Variants in CNTN4 observed in about 807,000 individuals in gnomAD.
CNTN4 encodes contactin-4.
A neutral mutation model predicts 122.5 loss-of-function variants in CNTN4; 77 were observed. The observed-to-expected ratio is 0.63, with a 90% CI of 0.52 to 0.76. The LOEUF is 0.76. CNTN4 is among the 30% of genes least tolerant of loss of function. CNTN4 has a pLI of 0.00. For synonymous variants in CNTN4, 512 were observed against 447.0 expected (o/e 1.15, Z -1.83); for missense variants, 1,256 against 1,259.1 (o/e 1.00, Z 0.04).
chr3:2,201,852 A>G (rs1050540479), intron 2 of CNTN4, among the ~76,000 whole-genome samples: 1 of 152,208 alleles, frequency 6.6e-6, no homozygotes. Context: ...ACAGTGAGCC[A>G]TTTATGATAA....
At chr3:2,338,570 T>C (rs2044051753) in intron 2 of CNTN4, among the ~76,000 whole-genome samples, 1 of 151,980 alleles carries the variant, frequency 6.6e-6, no homozygotes, top group African/African-American at 2.4e-5. Flanking sequence ...CATAAATATA[T>C]ACCTTTATTC....
intron 2 of CNTN4, among the ~76,000 whole-genome samples, chr3:2,301,477 T>TA: frequency 6.6e-6 from 1 of 152,366 alleles, no homozygotes; most frequent in African/African-American, 2.4e-5. Flanking sequence ...GGTTCTGCTC[T>TA]ATATCAAGAA....
intron 13 of CNTN4, among the ~76,000 whole-genome samples, chr3:2,960,655 T>C (rs1391175099): frequency 6.6e-6 from 1 of 152,198 alleles, no homozygotes; most frequent in Non-Finnish European, 1.5e-5. Flanking sequence ...AAAAACGGTG[T>C]TGAAGAGAGA....
Position 2,259,800 on chromosome 3 carries a change from A to G in CNTN4, c.-144-79378A>G, listed in dbSNP as rs189143160. Reference sequence around the variant, plus strand: ...GAGATTTGGGCGGGGGACGCAGCCAAATGATATCAGCTCGTGAGTGAGCAT... The same window carrying G: ...GAGATTTGGGCGGGGGACGCAGCCAGATGATATCAGCTCGTGAGTGAGCAT... On this transcript the variant is annotated intron_variant, in intron 2 of 24. Transcript: ENST00000418658. Among the ~76,000 whole-genome samples, 89 of 152,242 alleles carry G rather than the reference A, an allele frequency of 5.8e-4. 1 individual carries two copies. The highest frequency in any genetic ancestry group is 4.2e-3 in the Admixed American group (65 of 15,296).
At chr3:2,636,516 A>T (rs888478625) in intron 4 of CNTN4, among the ~76,000 whole-genome samples, 15 of 152,334 alleles carry the variant, frequency 9.8e-5, no homozygotes, top group East Asian at 3.9e-4. Context: ...CACATCTAGA[A>T]TTGAAGTGTT....
chr3:2,300,611 C>CG, intron 2 of CNTN4, among the ~76,000 whole-genome samples: 1 of 113,040 alleles, frequency 8.8e-6, no homozygotes, highest in South Asian at 3.2e-4. Flanking sequence ...CTTGCTCTGT[C>CG]TCCAGGCTGG....
intron 2 of CNTN4, among the ~76,000 whole-genome samples, 188 bp from the exon 3 acceptor site, chr3:2,338,990 C>T (rs566921702): frequency 1.3e-5 from 2 of 151,744 alleles, no homozygotes; most frequent in East Asian, 2.0e-4. Flanking sequence ...AGAATGGATC[C>T]TGGATCCTAA....
At chr3:2,938,994 G>C (rs116068738) in intron 13 of CNTN4, among the ~76,000 whole-genome samples, 2,470 of 152,304 alleles carry the variant, frequency 0.016, 67 homozygotes, top group African/African-American at 0.057. Flanking sequence ...AGACAAGGCA[G>C]ATGATTTGGG....
intron 2 of CNTN4, among the ~76,000 whole-genome samples, chr3:2,187,797 T>C (rs1350943507): frequency 6.6e-6 from 1 of 152,150 alleles, no homozygotes; most frequent in African/African-American, 2.4e-5. Context: ...TTTTCTCCCA[T>C]GATTATCTGT....
intron 9 of CNTN4, among the ~76,000 whole-genome samples, chr3:2,885,628 G>GCAACA (rs2093965363): frequency 2.0e-5 from 3 of 152,098 alleles, no homozygotes; most frequent in Admixed American, 2.0e-4. Context: ...TTGGTACATA[G>GCAACA]ATTTATGGAA....
At chr3:2,560,131 T>A (rs2078887998) in intron 3 of CNTN4, among the ~76,000 whole-genome samples, 1 of 141,428 alleles carries the variant, frequency 7.1e-6, no homozygotes. Context: ...ATTATTATTA[T>A]TCTTTTTCTT....
intron 2 of CNTN4, among the ~76,000 whole-genome samples, chr3:2,178,849 A>G (rs1311726405): frequency 6.6e-6 from 1 of 152,046 alleles, no homozygotes; most frequent in African/African-American, 2.4e-5. Context: ...CAGGAAGAAA[A>G]TCTCTGATTG....
intron 2 of CNTN4, among the ~76,000 whole-genome samples, chr3:2,287,761 AAGAAGAAGAAGAAGAAGG>A (rs1575274091): frequency 4.8e-5 from 7 of 144,682 alleles, no homozygotes; most frequent in African/African-American, 1.6e-4. Flanking sequence ...GAAGAAGAAG[AAGAAGAAGAAGAAGAAGG>A]AGAAGAAGAG....
intron 7 of CNTN4, among the ~76,000 whole-genome samples, chr3:2,856,828 G>C (rs1035370484): frequency 6.6e-6 from 1 of 152,206 alleles, no homozygotes; most frequent in African/African-American, 2.4e-5. Flanking sequence ...TGTTATGGAA[G>C]GATTTGAATG....
rs1182443033 is a variant in CNTN4, at chr3:2,275,937, AC to A, written c.-144-63240del. ...TCTGTCTCAAAAAAAAAAAAAAAAA[AC>A]AAAAAAAAATATTAAATCTTGATTT... On this transcript the variant is annotated intron_variant, in intron 2 of 24. Coordinates refer to ENST00000418658, the MANE Select transcript of CNTN4 (RefSeq NM_175607.3). Among the ~76,000 whole-genome samples the A allele has an allele frequency of 4.5e-3, 211 of 47,102 alleles. 2 individuals carry two copies. Among genetic ancestry groups the A allele is most frequent in the African/African-American group, 0.011 (182 of 16,936 alleles). The allele number at this position is 47,102 out of a possible 152,430, so 30.9% of individuals were successfully genotyped here.
chr3:3,045,027 C>T (rs1435337343), intron 23 of CNTN4, among the ~76,000 whole-genome samples: 12 of 152,218 alleles, frequency 7.9e-5, no homozygotes, highest in Admixed American at 7.9e-4. Flanking sequence ...GCCCACAGAG[C>T]CTTGCTCGTT....
At chr3:2,338,614 A>G (rs1164508320) in intron 2 of CNTN4, among the ~76,000 whole-genome samples, 3 of 151,028 alleles carry the variant, frequency 2.0e-5, no homozygotes, top group African/African-American at 7.3e-5. Context: ...ATTTATATAT[A>G]TATTTATAGG....
At chr3:2,384,123 C>G (rs2046142176) in intron 3 of CNTN4, among the ~76,000 whole-genome samples, 2 of 152,138 alleles carry the variant, frequency 1.3e-5, no homozygotes, top group Admixed American at 6.5e-5. Flanking sequence ...ATCAAATAAG[C>G]TAATGAATTG....
chr3:2,629,964 T>C (rs2082359291), intron 4 of CNTN4, among the ~76,000 whole-genome samples: 1 of 152,234 alleles, frequency 6.6e-6, no homozygotes, highest in Admixed American at 6.5e-5. Context: ...TTATCATTTC[T>C]CTTTACCTGG....
Sources: gnomAD v4.1 joint callset for allele counts (sites outside exome capture counted in the v4.1 genomes callset) on GRCh38, gnomAD v4.1.1 for gene constraint, MANE v1.5 for transcripts, NCBI Gene and HGNC (gene_info 2026-07-23, HGNC 2026-07-21) for gene names.